Variants in CTNNA3 observed in about 807,000 individuals in gnomAD.
CTNNA3 encodes the protein catenin alpha 3.
A neutral mutation model predicts 95.7 loss-of-function variants in CTNNA3; 76 were observed. The ratio of observed to expected loss-of-function variants is 0.79; its 90% CI spans 0.66 to 0.96. CTNNA3 has a LOEUF of 0.96. CTNNA3 is among the 40% of genes least tolerant of loss of function. The pLI is 0.00. For synonymous variants in CTNNA3, 431 were observed against 374.4 expected (o/e 1.15, Z -1.74); for missense variants, 1,191 against 1,089.8 (o/e 1.09, Z -1.31).
intron 7 of CTNNA3, among the ~76,000 whole-genome samples, chr10:66,960,610 G>A (rs999256510): frequency 2.0e-5 from 3 of 152,128 alleles, no homozygotes; most frequent in Non-Finnish European, 4.4e-5. Flanking sequence ...TTTGTTAATT[G>A]AATCAAATAT....
intron 5 of CTNNA3, among the ~76,000 whole-genome samples, chr10:67,504,207 C>T (rs1839347650): frequency 6.8e-6 from 1 of 147,564 alleles, no homozygotes; most frequent in African/African-American, 2.5e-5. Flanking sequence ...AATCCCAGAA[C>T]TTGAGGAGGC....
chr10:67,382,780 T>C (rs1843995902), intron 5 of CTNNA3, among the ~76,000 whole-genome samples: 1 of 152,080 alleles, frequency 6.6e-6, no homozygotes, highest in Non-Finnish European at 1.5e-5. Context: ...CTTTTACTCA[T>C]AGCAGAAGGT....
At chr10:66,110,757 T>C (rs2082093137) in intron 13 of CTNNA3, among the ~76,000 whole-genome samples, 1 of 152,198 alleles carries the variant, frequency 6.6e-6, no homozygotes, top group South Asian at 2.1e-4. Context: ...TATACAGTCA[T>C]GTTGCTTAAC....
At chr10:66,372,698 C>T in intron 12 of CTNNA3, among the ~76,000 whole-genome samples, 1 of 152,078 alleles carries the variant, frequency 6.6e-6, no homozygotes, top group East Asian at 1.9e-4. Flanking sequence ...GCTGGGCAGG[C>T]CTCAGGAAAC....
chr10:67,750,692 T>G, intron 1 of CTNNA3: 1 of 1,556,872 alleles, frequency 6.4e-7, no homozygotes, highest in Non-Finnish European at 8.9e-7. Flanking sequence ...GGAAAAGCAA[T>G]GTTCTTGGAT....
chr10:66,805,304 T>G (rs1369827086), intron 7 of CTNNA3, among the ~76,000 whole-genome samples: 1 of 151,766 alleles, frequency 6.6e-6, no homozygotes, highest in Non-Finnish European at 1.5e-5. Context: ...TGAGTCCTCC[T>G]TGCAAATCAT....
At chr10:67,541,318 A>C (rs1840678635) in intron 3 of CTNNA3, among the ~76,000 whole-genome samples, 1 of 152,116 alleles carries the variant, frequency 6.6e-6, no homozygotes, top group Non-Finnish European at 1.5e-5. Context: ...TAAATATTTT[A>C]GTTTCATTGA....
In CTNNA3 at chr10:67,031,209, G is replaced by A. The variant is rs369447572; in HGVS notation, c.1047+149108C>T. On this transcript the variant is annotated intron_variant, in intron 7 of 17. Coordinates refer to ENST00000433211, the MANE Select transcript of CTNNA3 (RefSeq NM_013266.4). ...CTGATTTATATAAATTGATATATAT[G>A]TCTATATATAACAATACATTTGTCT... 6.6e-5 allele frequency among the ~76,000 whole-genome samples: 10 copies of A among 152,184 alleles called. No individual in the cohort carries two copies. In the East Asian group the frequency reaches 1.7e-3, roughly 26 times the overall value.
At chr10:67,674,498 G>C (rs183748060) in intron 1 of CTNNA3, among the ~76,000 whole-genome samples, 2 of 152,210 alleles carry the variant, frequency 1.3e-5, no homozygotes, top group African/African-American at 4.8e-5. Context: ...TTCTGGGTCA[G>C]AATGTGTGTT....
chr10:67,377,432 T>G (rs1025503759), intron 5 of CTNNA3, among the ~76,000 whole-genome samples: 4 of 152,178 alleles, frequency 2.6e-5, no homozygotes, highest in Non-Finnish European at 4.4e-5. Context: ...GGAAATTCTA[T>G]GAAGTACTTT....
chr10:67,701,860 T>G (rs1171411654), intron 1 of CTNNA3, among the ~76,000 whole-genome samples: 2 of 152,100 alleles, frequency 1.3e-5, no homozygotes, highest in Non-Finnish European at 2.9e-5. Flanking sequence ...GACCCATCAG[T>G]GTGCTGTATT....
intron 5 of CTNNA3, among the ~76,000 whole-genome samples, chr10:67,379,715 G>A (rs1843845532): frequency 6.6e-6 from 1 of 152,150 alleles, no homozygotes; most frequent in Admixed American, 6.5e-5. Context: ...TAAACCATGA[G>A]TAGAGCATAG....
intron 12 of CTNNA3, among the ~76,000 whole-genome samples, chr10:66,297,287 A>G (rs1303463724): frequency 6.6e-6 from 1 of 151,862 alleles, no homozygotes; most frequent in Non-Finnish European, 1.5e-5. Flanking sequence ...CCACATAACC[A>G]CCCCCTGGTT....
At chr10:66,405,295 T>C (rs2456751) in intron 11 of CTNNA3, among the ~76,000 whole-genome samples, 95,577 of 151,926 alleles carry the variant, frequency 0.63, 31,725 homozygotes, top group East Asian at 0.88. Flanking sequence ...TGTTAAATTA[T>C]GTGATTTATA....
chr10:67,726,656 A>G (rs1337804751), intron 1 of CTNNA3, among the ~76,000 whole-genome samples: 2 of 90,932 alleles, frequency 2.2e-5, no homozygotes, highest in Non-Finnish European at 3.8e-5. Context: ...ACTATAATAT[A>G]TTATATATTA....
chr10:66,342,570 A>G (rs1200585186), intron 12 of CTNNA3, among the ~76,000 whole-genome samples: 1 of 152,078 alleles, frequency 6.6e-6, no homozygotes, highest in Non-Finnish European at 1.5e-5. Context: ...CATAGAACAT[A>G]TGAAATATCA....
chr10:66,146,725 T>C (rs987556067), intron 13 of CTNNA3, among the ~76,000 whole-genome samples: 3 of 152,026 alleles, frequency 2.0e-5, no homozygotes, highest in African/African-American at 7.2e-5. Context: ...CCCAGCTAAT[T>C]TTTGTATTTT....
chr10:66,855,826 A>G (rs553418180), intron 7 of CTNNA3, among the ~76,000 whole-genome samples: 2 of 152,202 alleles, frequency 1.3e-5, no homozygotes, highest in African/African-American at 4.8e-5. Flanking sequence ...TAACATCATG[A>G]ACCAACACAT....
At chr10:66,010,589 C>T (rs1364932467) in intron 15 of CTNNA3, among the ~76,000 whole-genome samples, 1 of 152,164 alleles carries the variant, frequency 6.6e-6, no homozygotes, top group Non-Finnish European at 1.5e-5. Context: ...AGGTTCTACT[C>T]TGTCTTCTAA....
Sources: allele counts gnomAD v4.1 joint callset (sites outside exome capture counted in the v4.1 genomes callset), GRCh38; gene constraint gnomAD v4.1.1; transcripts MANE v1.5; gene names NCBI Gene and HGNC (gene_info 2026-07-23, HGNC 2026-07-21).